ERBB4: variants seen among roughly 807,000 people sequenced by gnomAD.
The protein encoded by ERBB4 is erb-b2 receptor tyrosine kinase 4.
A neutral mutation model predicts 158.0 loss-of-function variants in ERBB4; 42 were observed. The observed-to-expected ratio is 0.27, with a 90% CI of 0.21 to 0.34. The LOEUF is 0.34. Ranked by LOEUF, ERBB4 falls within the 10% of genes least tolerant of loss-of-function variation. The pLI is 1.00. For synonymous variants in ERBB4, 583 were observed against 558.7 expected (o/e 1.04, Z -0.61); for missense variants, 1,333 against 1,624.1 (o/e 0.82, Z 3.08).
At chr2:211,529,140 T>TA (rs1276453076) in intron 20 of ERBB4, among the ~76,000 whole-genome samples, 4,403 of 131,968 alleles carry the variant, frequency 0.033, 202 homozygotes, top group African/African-American at 0.11. Flanking sequence ...AGACCCAAAT[T>TA]AAAAAAAAAA....
At chr2:212,235,224 A>T (rs572198435) in intron 1 of ERBB4, among the ~76,000 whole-genome samples, 26 of 152,292 alleles carry the variant, frequency 1.7e-4, no homozygotes, top group African/African-American at 6.0e-4. Context: ...ATCATTTATT[A>T]AATAGGGAAT....
intron 1 of ERBB4, among the ~76,000 whole-genome samples, chr2:212,390,743 C>T (rs575441146): frequency 5.3e-5 from 8 of 151,802 alleles, no homozygotes; most frequent in Middle Eastern, 3.4e-3. Flanking sequence ...TTATTGGTGC[C>T]GGATATCTTC....
At chr2:212,461,133 C>G (rs372185420) in intron 1 of ERBB4, among the ~76,000 whole-genome samples, 3 of 152,198 alleles carry the variant, frequency 2.0e-5, no homozygotes, top group Non-Finnish European at 4.4e-5. Flanking sequence ...GTGGGAACCC[C>G]CCCTCCACAG....
At chr2:211,745,447 G>GCAGC (rs1463539587) in intron 5 of ERBB4, among the ~76,000 whole-genome samples, 2 of 152,058 alleles carry the variant, frequency 1.3e-5, no homozygotes, top group East Asian at 3.9e-4. Flanking sequence ...TCAAGGACAG[G>GCAGC]CAGCCTCCAA....
chr2:211,465,810 A>T (rs1664396622), intron 20 of ERBB4, among the ~76,000 whole-genome samples: 1 of 152,120 alleles, frequency 6.6e-6, no homozygotes, highest in Non-Finnish European at 1.5e-5. Flanking sequence ...ACCTCTGGGC[A>T]GGAGTCTATT....
intron 2 of ERBB4, among the ~76,000 whole-genome samples, chr2:211,978,057 T>G (rs1266388216): frequency 6.6e-6 from 1 of 151,130 alleles, no homozygotes; most frequent in Non-Finnish European, 1.5e-5. Context: ...TTCACCTATT[T>G]TACTTAATAA....
chr2:212,173,569 A>G (rs1001529654), intron 1 of ERBB4, among the ~76,000 whole-genome samples: 2 of 152,176 alleles, frequency 1.3e-5, no homozygotes, highest in African/African-American at 4.8e-5. Flanking sequence ...ATATAACGAT[A>G]TCTACTGTGT....
chr2:212,114,911 C>T (rs1325009080), intron 2 of ERBB4, among the ~76,000 whole-genome samples: 1 of 152,092 alleles, frequency 6.6e-6, no homozygotes, highest in Non-Finnish European at 1.5e-5. Context: ...AAGGAAGAAG[C>T]CTAATAGGGT....
At chr2:211,428,582 T>A (rs994584039) in intron 21 of ERBB4, 99 bp from the exon 22 acceptor site, 1 of 675,284 alleles carries the variant, frequency 1.5e-6, no homozygotes, top group Non-Finnish European at 2.7e-6. Context: ...CTTAATCATA[T>A]TTTTTTATTA....
chr2:211,748,384 C>T (rs1254635598), intron 5 of ERBB4, among the ~76,000 whole-genome samples: 1 of 152,108 alleles, frequency 6.6e-6, no homozygotes, highest in African/African-American at 2.4e-5. Context: ...CAACTGTAAA[C>T]CCTGAAAGTA....
At chr2:211,439,150 A>G (rs2063920167) in intron 20 of ERBB4, among the ~76,000 whole-genome samples, 1 of 152,070 alleles carries the variant, frequency 6.6e-6, no homozygotes. Flanking sequence ...CACTCGTGGG[A>G]TATTGACACT....
At chr2:211,607,822 T>C (rs892458775) in intron 19 of ERBB4, among the ~76,000 whole-genome samples, 6 of 151,938 alleles carry the variant, frequency 3.9e-5, no homozygotes, top group African/African-American at 1.5e-4. Flanking sequence ...GCGTTAATGA[T>C]TAAAACATTT....
rs192915209 is a variant in ERBB4, at chr2:212,379,943, G to A, written c.82+158506C>T. ...AAATAAAATACAAAATAAATGTACC[G>A]CAAAGTCACACCTACCAGGCACCTG... On this transcript the variant is annotated intron_variant, in intron 1 of 27. Transcript: ENST00000342788. Among the ~76,000 whole-genome samples, 496 of 151,450 alleles carry A rather than the reference G, an allele frequency of 3.3e-3. 1 individual carries two copies. Among genetic ancestry groups the A allele is most frequent in the Admixed American group, 8.2e-3 (124 of 15,100 alleles).
At chr2:212,010,104 T>C (rs1451987860) in intron 2 of ERBB4, among the ~76,000 whole-genome samples, 1 of 152,182 alleles carries the variant, frequency 6.6e-6, no homozygotes, top group African/African-American at 2.4e-5. Context: ...TTTTTGACCA[T>C]GGATTGCCCA....
intron 20 of ERBB4, among the ~76,000 whole-genome samples, chr2:211,530,892 A>C (rs550248830): frequency 6.6e-6 from 1 of 152,212 alleles, no homozygotes; most frequent in East Asian, 1.9e-4. Context: ...ATGTCTTCAA[A>C]AAAGAAAACA....
intron 2 of ERBB4, among the ~76,000 whole-genome samples, chr2:211,957,003 T>C (rs1034482483): frequency 6.6e-6 from 1 of 151,980 alleles, no homozygotes; most frequent in Admixed American, 6.6e-5. Flanking sequence ...ACCTAATTTT[T>C]TTTCCAGTAG....
intron 1 of ERBB4, among the ~76,000 whole-genome samples, chr2:212,212,778 T>C (rs2082978569): frequency 6.6e-6 from 1 of 152,012 alleles, no homozygotes; most frequent in South Asian, 2.1e-4. Flanking sequence ...TCTACAACCA[T>C]CTGATCTTCA....
At chr2:211,542,799 C>G (rs570673467) in intron 20 of ERBB4, among the ~76,000 whole-genome samples, 1 of 151,766 alleles carries the variant, frequency 6.6e-6, no homozygotes, top group Admixed American at 6.6e-5. Flanking sequence ...CACAACTCTC[C>G]CAGGAGTGAT....
At chr2:212,193,940 T>C (rs1397328500) in intron 1 of ERBB4, among the ~76,000 whole-genome samples, 1 of 152,062 alleles carries the variant, frequency 6.6e-6, no homozygotes, top group Non-Finnish European at 1.5e-5. Flanking sequence ...CTTGTAATTC[T>C]AGAGCCACAC....
Sources: gnomAD v4.1 joint callset for allele counts (sites outside exome capture counted in the v4.1 genomes callset) on GRCh38, gnomAD v4.1.1 for gene constraint, MANE v1.5 for transcripts, NCBI Gene and HGNC (gene_info 2026-07-23, HGNC 2026-07-21) for gene names.